Variants in RIT2 observed in about 807,000 individuals in gnomAD.
RIT2 encodes the protein Ras like without CAAX 2.
A neutral mutation model predicts 23.7 loss-of-function variants in RIT2; 24 were observed. That is an observed-to-expected ratio of 1.01 (90% CI 0.73 to 1.43). The LOEUF (loss-of-function observed/expected upper bound fraction) is 1.43, where lower values mean the gene tolerates loss of function less well. RIT2 is among the 40% of genes most tolerant of loss of function. RIT2 has a pLI of 0.00. For synonymous variants in RIT2, 107 were observed against 91.1 expected (o/e 1.17, Z -0.99); for missense variants, 236 against 266.9 (o/e 0.88, Z 0.81).
intron 4 of RIT2, among the ~76,000 whole-genome samples, chr18:42,915,512 G>C (rs1047560473): frequency 6.6e-6 from 1 of 151,838 alleles, no homozygotes; most frequent in South Asian, 2.1e-4. Context: ...CTTATTTCCC[G>C]AAGCCTTTTC....
chr18:42,983,003 A>G (rs1398142639), intron 2 of RIT2, among the ~76,000 whole-genome samples: 2 of 152,128 alleles, frequency 1.3e-5, no homozygotes, highest in Non-Finnish European at 2.9e-5. Flanking sequence ...AAAGGAAAGG[A>G]TTTGGAATAG....
chr18:43,023,850 A>G (rs941257717), intron 2 of RIT2, among the ~76,000 whole-genome samples: 2 of 152,074 alleles, frequency 1.3e-5, no homozygotes, highest in African/African-American at 4.8e-5. Flanking sequence ...CAGTGTAAGC[A>G]TGTTTGAAAA....
intron 4 of RIT2, among the ~76,000 whole-genome samples, chr18:42,901,659 A>AT (rs1443367340): frequency 1.3e-5 from 2 of 152,048 alleles, no homozygotes; most frequent in Non-Finnish European, 2.9e-5. Context: ...TTAAATCAAT[A>AT]TTTTTTAAAA....
chr18:43,074,163 G>A (rs1912960192), intron 1 of RIT2, among the ~76,000 whole-genome samples: 1 of 152,066 alleles, frequency 6.6e-6, no homozygotes, highest in South Asian at 2.1e-4. Context: ...TAAGAACAGT[G>A]GCAGTAATTA....
intron 1 of RIT2, among the ~76,000 whole-genome samples, chr18:43,105,473 A>AGGAAGAGAGGAAGGGAGGAAGG (rs1913792853): frequency 8.0e-6 from 1 of 125,096 alleles, no homozygotes; most frequent in Non-Finnish European, 1.7e-5. Context: ...AGGGAGGAAG[A>AGGAAGAGAGGAAGGGAGGAAGG]GAGGAAGGGA....
chr18:43,073,439 C>T (rs1309733496), intron 1 of RIT2, among the ~76,000 whole-genome samples: 2 of 152,086 alleles, frequency 1.3e-5, no homozygotes, highest in African/African-American at 4.8e-5. Flanking sequence ...TCTGGTGTGG[C>T]ATTTAAAGGT....
At chr18:43,075,454 T>A in intron 1 of RIT2, among the ~76,000 whole-genome samples, 1 of 152,316 alleles carries the variant, frequency 6.6e-6, no homozygotes, top group East Asian at 1.9e-4. Flanking sequence ...TAAATCTTAA[T>A]GTTTAATTAG....
chr18:43,101,780 G>A (rs116235974), intron 1 of RIT2, among the ~76,000 whole-genome samples: 24 of 152,280 alleles, frequency 1.6e-4, no homozygotes, highest in African/African-American at 5.1e-4. Flanking sequence ...TGAAGTGGAA[G>A]GCAAATTTTT....
intron 1 of RIT2, among the ~76,000 whole-genome samples, chr18:43,038,433 G>T (rs972714513): frequency 1.0e-4 from 15 of 149,368 alleles, no homozygotes; most frequent in African/African-American, 3.7e-4. Context: ...TTTAGACCTT[G>T]TAAAAATTAT....
rs1907385662 is a variant in RIT2 at position 42,863,508 on chromosome 18, T to A, written c.426+60064A>T. Reference sequence around the variant, plus strand: ...AATTCTCCCACTACACCTTTCCTGGTCTCTGTAGTTCACTAAAGAAAAACG... The same window carrying A: ...AATTCTCCCACTACACCTTTCCTGGACTCTGTAGTTCACTAAAGAAAAACG... On this transcript the variant is annotated intron_variant, in intron 4 of 4. Coordinates refer to ENST00000326695, the MANE Select transcript of RIT2 (RefSeq NM_002930.4). 3.9e-5 allele frequency among the ~76,000 whole-genome samples: 6 copies of A among 152,254 alleles called. No homozygotes were observed. The South Asian group carries it at 1.2e-3, about 32-fold the overall frequency.
At chr18:42,840,626 C>T (rs1015515300) in intron 4 of RIT2, among the ~76,000 whole-genome samples, 9 of 152,128 alleles carry the variant, frequency 5.9e-5, no homozygotes, top group African/African-American at 1.7e-4. Flanking sequence ...CTCAGCCTCC[C>T]GAGTAGCTGG....
intron 4 of RIT2, among the ~76,000 whole-genome samples, chr18:42,827,611 A>G (rs1406732909): frequency 6.6e-6 from 1 of 152,200 alleles, no homozygotes; most frequent in Non-Finnish European, 1.5e-5. Flanking sequence ...GAAAAATAAT[A>G]TGGCAAAATA....
At chr18:43,099,128 C>T (rs1055283122) in intron 1 of RIT2, among the ~76,000 whole-genome samples, 3 of 152,042 alleles carry the variant, frequency 2.0e-5, no homozygotes, top group African/African-American at 7.2e-5. Context: ...AGCTTTGATG[C>T]TTTGGTAATT....
At chr18:42,888,632 C>A (rs1908092131) in intron 4 of RIT2, among the ~76,000 whole-genome samples, 1 of 151,788 alleles carries the variant, frequency 6.6e-6, no homozygotes, top group South Asian at 2.1e-4. Flanking sequence ...CTGCAGTATT[C>A]ACAATAGCAA....
chr18:42,920,399 G>A (rs1219812086), intron 4 of RIT2, among the ~76,000 whole-genome samples: 1 of 152,128 alleles, frequency 6.6e-6, no homozygotes, highest in African/African-American at 2.4e-5. Context: ...AGGTATAAAG[G>A]AGACTACTTC....
intron 4 of RIT2, among the ~76,000 whole-genome samples, chr18:42,790,172 C>A (rs1375190747): frequency 6.6e-6 from 1 of 152,186 alleles, no homozygotes; most frequent in African/African-American, 2.4e-5. Context: ...ATTTACAAAT[C>A]CGAAATTTCA....
At chr18:42,811,410 T>G (rs185230472) in intron 4 of RIT2, among the ~76,000 whole-genome samples, 72 of 152,076 alleles carry the variant, frequency 4.7e-4, no homozygotes, top group Non-Finnish European at 1.3e-4. Context: ...ACTACACTAG[T>G]GTTGAATGGT....
At chr18:43,057,247 C>T (rs918016218) in intron 1 of RIT2, among the ~76,000 whole-genome samples, 1 of 151,950 alleles carries the variant, frequency 6.6e-6, no homozygotes, top group African/African-American at 2.4e-5. Flanking sequence ...ATCAGTAGAC[C>T]TATTTTCTGC....
intron 1 of RIT2, among the ~76,000 whole-genome samples, chr18:43,066,194 A>G (rs962038940): frequency 3.9e-5 from 6 of 152,174 alleles, no homozygotes; most frequent in Non-Finnish European, 8.8e-5. Flanking sequence ...TCATCATTAC[A>G]AAAAATGTAA....
Sources: allele counts gnomAD v4.1 joint callset (sites outside exome capture counted in the v4.1 genomes callset), GRCh38; gene constraint gnomAD v4.1.1; transcripts MANE v1.5; gene names NCBI Gene and HGNC (gene_info 2026-07-23, HGNC 2026-07-21).